Variants in ADGRV1 observed in about 807,000 individuals in gnomAD.
ADGRV1 encodes the protein G-protein coupled receptor 98.
Under a neutral mutation model 596.2 loss-of-function variants are expected in ADGRV1, and 359 were observed. The observed-to-expected ratio is 0.60, with a 90% CI of 0.55 to 0.66. ADGRV1 has a LOEUF of 0.66. Ranked by LOEUF, ADGRV1 falls within the 30% of genes least tolerant of loss-of-function variation. The probability of loss-of-function intolerance (pLI) is 0.00; values close to 1 mark genes in which losing one functional copy is unlikely to be tolerated. For missense variants in ADGRV1, 7,274 were observed against 7,575.6 expected, an observed-to-expected ratio of 0.96 and a Z score of 1.48; for synonymous variants, 2,681 against 2,679.2, an observed-to-expected ratio of 1.00 and a Z score of -0.02.
intron 83 of ADGRV1, among the ~76,000 whole-genome samples, chr5:90,904,541 G>GT (rs1471963493): frequency 2.0e-5 from 3 of 151,906 alleles, no homozygotes; most frequent in Non-Finnish European, 4.4e-5. Flanking sequence ...TCATATGCCT[G>GT]TTCACCATTC....
intron 85 of ADGRV1, among the ~76,000 whole-genome samples, chr5:91,007,980 G>GT (rs142015928): frequency 0.013 from 2,037 of 152,068 alleles, 51 homozygotes; most frequent in African/African-American, 0.047. Flanking sequence ...TAGTTCAAAG[G>GT]TTATTATTCT....
intron 34 of ADGRV1, among the ~76,000 whole-genome samples, chr5:90,699,917 A>G (rs1199415197): frequency 6.6e-6 from 1 of 152,220 alleles, no homozygotes; most frequent in Non-Finnish European, 1.5e-5. Flanking sequence ...GCTTTAGCAT[A>G]TCAATCTAAA....
At chr5:90,935,504 T>C (rs1413261701) in intron 83 of ADGRV1, among the ~76,000 whole-genome samples, 2 of 152,208 alleles carry the variant, frequency 1.3e-5, no homozygotes, top group Non-Finnish European at 2.9e-5. Context: ...TGTTTTGCTT[T>C]CTAATATAGA....
chr5:91,001,626 C>T (rs907699868), intron 85 of ADGRV1, among the ~76,000 whole-genome samples: 3 of 151,940 alleles, frequency 2.0e-5, no homozygotes, highest in Non-Finnish European at 4.4e-5. Flanking sequence ...AAAGCTATTA[C>T]TTTGTAGTAT....
intron 83 of ADGRV1, among the ~76,000 whole-genome samples, chr5:90,928,891 G>A (rs1417310094): frequency 4.6e-4 from 66 of 144,426 alleles, no homozygotes; most frequent in Non-Finnish European, 6.6e-4. Context: ...ATAGCCTGCC[G>A]TGTGAGGTGT....
chr5:90,606,154 A>G (rs947792796), intron 1 of ADGRV1, among the ~76,000 whole-genome samples: 2 of 152,216 alleles, frequency 1.3e-5, no homozygotes, highest in Non-Finnish European at 2.9e-5. Context: ...TTCTTAAAAA[A>G]TAATCAGACG....
intron 42 of ADGRV1, 47 bp from the exon 43 acceptor site, chr5:90,716,420 A>T: frequency 6.6e-6 from 8 of 1,212,040 alleles, no homozygotes; most frequent in Non-Finnish European, 9.2e-6. Context: ...CAGCATTTAT[A>T]ACCTCTTCTA....
chr5:90,666,664 G>A (rs548242817), intron 21 of ADGRV1, among the ~76,000 whole-genome samples: 5 of 146,004 alleles, frequency 3.4e-5, no homozygotes, highest in East Asian at 2.1e-4. Context: ...TGATGTTAGC[G>A]GGTTATTTTG....
chr5:90,774,357 TAATAA>T (rs1757998882), intron 60 of ADGRV1, 54 bp downstream of exon 60: 3 of 991,018 alleles, frequency 3.0e-6, no homozygotes, highest in Non-Finnish European at 3.2e-6. Flanking sequence ...AGAAAAAATG[TAATAA>T]AAATAACCCG....
At chr5:90,678,423 A>C (rs1310285033) in intron 25 of ADGRV1, among the ~76,000 whole-genome samples, 3 of 151,720 alleles carry the variant, frequency 2.0e-5, no homozygotes, top group Non-Finnish European at 4.4e-5. Flanking sequence ...TATTATTGCC[A>C]AAGTACTTTA....
rs893654315 is a variant in ADGRV1, at chr5:90,558,809, C to G, written c.-87C>G. ...CTGATCCTGTAGTGGTAGTAAGAAT[C>G]AGCAGCGCGGGCAAGGAGTACGGAC... On this transcript the variant is annotated 5_prime_UTR_variant, in exon 1 of 90. The change creates a new upstream start codon in the 5' untranslated region. Transcript: ENST00000405460. The G allele has an allele frequency of 2.2e-6, 3 of 1,336,658 alleles. No individual in the cohort carries two copies. Among genetic ancestry groups the G allele is most frequent in the Admixed American group, 3.9e-5 (2 of 50,780 alleles). The allele number at this position is 1,336,658 out of a possible 1,614,324, so 82.8% of individuals were successfully genotyped here.
intron 86 of ADGRV1, among the ~76,000 whole-genome samples, chr5:91,085,733 C>A (rs985360225): frequency 7.2e-5 from 11 of 152,172 alleles, no homozygotes; most frequent in Non-Finnish European, 1.3e-4. Context: ...TTAAATATTT[C>A]TCTCTCCTGT....
intron 45 of ADGRV1, among the ~76,000 whole-genome samples, chr5:90,721,524 TAAAAATA>T (rs1363079882): frequency 1.7e-4 from 8 of 47,950 alleles, no homozygotes; most frequent in African/African-American, 4.8e-4. Flanking sequence ...TAAAATAAAA[TAAAAATA>T]AAAATAAAAT....
chr5:91,000,687 T>A (rs2151105242), intron 85 of ADGRV1, among the ~76,000 whole-genome samples: 1 of 151,640 alleles, frequency 6.6e-6, no homozygotes, highest in African/African-American at 2.4e-5. Flanking sequence ...TGTGTGTGTG[T>A]GTGTGTGTGT....
At position 90,643,857 on chromosome 5, in the gene ADGRV1, T is replaced by A; in HGVS notation, c.2608T>A (p.Leu870Met). Residue 870 changes from leucine (L) to methionine (M), a missense_variant, in exon 14 of 90, where the codon TTG becomes ATG. By Grantham distance (15) the Leu-to-Met change is conservative. Coordinates refer to ENST00000405460, the MANE Select transcript of ADGRV1 (RefSeq NM_032119.4). Reference protein sequence around the residue: ...LSSHGERESKLGSATIVNITI... With the variant: ...LSSHGERESKMGSATIVNITI... Reference sequence around the variant, plus strand: ...CAGCCACGGAGAACGGGAAAGCAAGTTGGGAAGTGCCACCATTGTCAATAT... The same window carrying A: ...CAGCCACGGAGAACGGGAAAGCAAGATGGGAAGTGCCACCATTGTCAATAT... 1 of 1,611,400 alleles carries A rather than the reference T, an allele frequency of 6.2e-7. No individual in the cohort carries two copies. The highest frequency in any genetic ancestry group is 1.1e-5 in the South Asian group (1 of 90,590).
At chr5:90,986,567 G>A (rs1381287247) in intron 85 of ADGRV1, among the ~76,000 whole-genome samples, 2 of 151,972 alleles carry the variant, frequency 1.3e-5, no homozygotes, top group South Asian at 2.1e-4. Context: ...ACACACAAAC[G>A]TACACAAACA....
chr5:90,786,251 G>C (rs115997530), intron 67 of ADGRV1, among the ~76,000 whole-genome samples: 2,270 of 152,024 alleles, frequency 0.015, 36 homozygotes, highest in Non-Finnish European at 0.022. Context: ...GGCCTATTGG[G>C]GGGTGGGGGG....
At chr5:90,756,905 A>G in intron 56 of ADGRV1, 74 bp from the exon 57 acceptor site, 1 of 1,223,976 alleles carries the variant, frequency 8.2e-7, no homozygotes, top group Non-Finnish European at 1.1e-6. Context: ...TTAAGTAGAA[A>G]CAATAACTTT....
chr5:91,029,004 A>G (rs1450862278), intron 85 of ADGRV1, among the ~76,000 whole-genome samples: 2 of 152,098 alleles, frequency 1.3e-5, no homozygotes, highest in Non-Finnish European at 2.9e-5. Flanking sequence ...CAAAAGTGGT[A>G]GAATTACAGG....
Sources: allele counts gnomAD v4.1 joint callset (sites outside exome capture counted in the v4.1 genomes callset), GRCh38; gene constraint gnomAD v4.1.1; transcripts MANE v1.5; gene names NCBI Gene and HGNC (gene_info 2026-07-23, HGNC 2026-07-21).